SNX29: variants seen among roughly 807,000 people sequenced by gnomAD.
SNX29 encodes sorting nexin 29, also known as sorting nexin-29.
In SNX29, 78 loss-of-function variants were observed where a neutral mutation model predicts 102.1. That is an observed-to-expected ratio of 0.76 (90% CI 0.64 to 0.92). The LOEUF (loss-of-function observed/expected upper bound fraction) is 0.92. Among genes scored for constraint, SNX29 ranks in the 40% least tolerant of loss-of-function variants. SNX29 has a pLI of 0.00. For missense variants in SNX29, 1,280 were observed against 1,061.7 expected, an observed-to-expected ratio of 1.21 and a Z score of -2.86; for synonymous variants, 580 against 414.5, an observed-to-expected ratio of 1.40 and a Z score of -4.85.
At chr16:12,181,894 T>C (rs942147436) in intron 13 of SNX29, among the ~76,000 whole-genome samples, 37 of 152,030 alleles carry the variant, frequency 2.4e-4, no homozygotes, top group South Asian at 4.2e-4. Flanking sequence ...TTTTTTTTTT[T>C]TTTTCTGGAG....
chr16:12,519,522 T>G (rs188030290), intron 19 of SNX29, among the ~76,000 whole-genome samples: 78 of 152,328 alleles, frequency 5.1e-4, no homozygotes, highest in African/African-American at 1.8e-3. Flanking sequence ...ATGTTGTTAA[T>G]TTTTCAGAAA....
At chr16:12,480,536 T>G (rs2087857910) in intron 19 of SNX29, among the ~76,000 whole-genome samples, 1 of 152,100 alleles carries the variant, frequency 6.6e-6, no homozygotes, top group African/African-American at 2.4e-5. Context: ...CTTAACCACA[T>G]CTGCTGAGTC....
chr16:12,002,778 A>G (rs1359318042), intron 2 of SNX29, among the ~76,000 whole-genome samples: 3 of 152,190 alleles, frequency 2.0e-5, no homozygotes, highest in Non-Finnish European at 2.9e-5. Flanking sequence ...AGTGGGAGAT[A>G]AGGGTTTCCT....
chr16:12,115,051 C>T (rs2053640632), intron 11 of SNX29, among the ~76,000 whole-genome samples: 1 of 152,148 alleles, frequency 6.6e-6, no homozygotes, highest in African/African-American at 2.4e-5. Context: ...GATGACACCA[C>T]CAGTTCCATC....
chr16:12,281,796 C>T (rs772522218), intron 15 of SNX29, among the ~76,000 whole-genome samples: 16 of 151,960 alleles, frequency 1.1e-4, no homozygotes, highest in Admixed American at 2.6e-4. Flanking sequence ...TGGGGCTGGG[C>T]GTGGTGGCTC....
chr16:12,021,647 G>C (rs140974708), intron 3 of SNX29, among the ~76,000 whole-genome samples: 388 of 152,106 alleles, frequency 2.6e-3, no homozygotes, highest in African/African-American at 8.8e-3. Context: ...TAGCACTTTG[G>C]GGGGCCAAGG....
intron 15 of SNX29, among the ~76,000 whole-genome samples, chr16:12,328,613 C>G (rs1173713328): frequency 6.6e-6 from 1 of 152,188 alleles, no homozygotes; most frequent in East Asian, 1.9e-4. Context: ...ACTTCTCGGT[C>G]AGCTCCACTG....
intron 13 of SNX29, among the ~76,000 whole-genome samples, chr16:12,154,177 A>G (rs1011636604): frequency 6.6e-6 from 1 of 151,830 alleles, no homozygotes; most frequent in African/African-American, 2.4e-5. Context: ...TTTCTTCCTT[A>G]AGGGAATTCT....
intron 15 of SNX29, among the ~76,000 whole-genome samples, chr16:12,298,413 G>C (rs1443466822): frequency 6.6e-6 from 1 of 152,158 alleles, no homozygotes; most frequent in African/African-American, 2.4e-5. Flanking sequence ...GCAGAATCTT[G>C]AACAAGCCTG....
chr16:12,020,299 A>T (rs376363173), intron 3 of SNX29, among the ~76,000 whole-genome samples: 2 of 151,688 alleles, frequency 1.3e-5, no homozygotes, highest in Non-Finnish European at 2.9e-5. Context: ...TAATTTTTTT[A>T]TTTTTTGTAG....
chr16:12,462,006 T>C (rs1173579851), intron 18 of SNX29, among the ~76,000 whole-genome samples: 144 of 67,120 alleles, frequency 2.1e-3, no homozygotes, highest in African/African-American at 0.012. Context: ...TATATATATA[T>C]ATATATGTAT....
intron 18 of SNX29, among the ~76,000 whole-genome samples, chr16:12,407,275 C>T (rs1036754212): frequency 2.1e-4 from 32 of 152,060 alleles, no homozygotes; most frequent in African/African-American, 7.5e-4. Context: ...GGAAAAACAG[C>T]AAGGCTGGGG....
At chr16:12,083,305 C>CAA (rs373592693) in intron 11 of SNX29, among the ~76,000 whole-genome samples, 26,188 of 130,344 alleles carry the variant, frequency 0.2, 2,511 homozygotes, top group East Asian at 0.28. Context: ...GACTATGTCT[C>CAA]AAAAAAAAAA....
intron 19 of SNX29, among the ~76,000 whole-genome samples, chr16:12,485,642 C>T (rs958557823): frequency 2.0e-5 from 3 of 152,092 alleles, no homozygotes; most frequent in African/African-American, 7.2e-5. Flanking sequence ...GGACCTCATG[C>T]AGGAACCAGA....
At chr16:12,043,183 G>A (rs1314172933) in intron 5 of SNX29, 106 bp downstream of exon 5, 12 of 1,417,200 alleles carry the variant, frequency 8.5e-6, no homozygotes, top group Non-Finnish European at 1.2e-5. Flanking sequence ...CGATCTGGGG[G>A]AAGTGGGCCT....
chr16:12,130,242 C>T (rs552320753), intron 13 of SNX29, among the ~76,000 whole-genome samples: 47 of 150,580 alleles, frequency 3.1e-4, no homozygotes, highest in Middle Eastern at 3.6e-3. Flanking sequence ...TTTGGGAGGC[C>T]GAGGTGGGTG....
At chr16:12,522,646 C>A (rs990853984) in intron 19 of SNX29, among the ~76,000 whole-genome samples, 2 of 152,142 alleles carry the variant, frequency 1.3e-5, no homozygotes, top group Non-Finnish European at 2.9e-5. Flanking sequence ...CTGTCTTCCT[C>A]CTGCTCCGGC....
intron 20 of SNX29, among the ~76,000 whole-genome samples, chr16:12,561,447 C>T (rs1208098033): frequency 2.0e-5 from 3 of 152,182 alleles, no homozygotes; most frequent in Non-Finnish European, 4.4e-5. Flanking sequence ...GCCCTCTAAG[C>T]TTCAAAGGCA....
At chr16:12,428,583 G>A (rs1300173310) in intron 18 of SNX29, among the ~76,000 whole-genome samples, 1 of 151,980 alleles carries the variant, frequency 6.6e-6, no homozygotes, top group Non-Finnish European at 1.5e-5. Context: ...TCTCCTCCTA[G>A]TTAGTCCCAA....
Sources: gnomAD v4.1 joint callset for allele counts (sites outside exome capture counted in the v4.1 genomes callset) on GRCh38, gnomAD v4.1.1 for gene constraint, MANE v1.5 for transcripts, NCBI Gene and HGNC (gene_info 2026-07-23, HGNC 2026-07-21) for gene names.